RNF31: variants seen among roughly 807,000 people sequenced by gnomAD.
The protein encoded by RNF31 is E3 ubiquitin-protein ligase RNF31.
Under a neutral mutation model 133.6 loss-of-function variants are expected in RNF31, and 38 were observed. The ratio of observed to expected loss-of-function variants is 0.28; its 90% confidence interval spans 0.22 to 0.37. The LOEUF (loss-of-function observed/expected upper bound fraction) is 0.37. RNF31 is among the 10% of genes least tolerant of loss of function. The probability of loss-of-function intolerance (pLI) is 1.00; values close to 1 mark genes in which losing one functional copy is unlikely to be tolerated. For missense variants in RNF31, 1,118 were observed against 1,394.1 expected, an observed-to-expected ratio of 0.80 and a Z score of 3.15; for synonymous variants, 582 against 552.3, an observed-to-expected ratio of 1.05 and a Z score of -0.75.
chr14:24,156,165 A>G (rs1393473576), intron 14 of RNF31, among the ~76,000 whole-genome samples: 1 of 152,196 alleles, frequency 6.6e-6, no homozygotes, highest in South Asian at 2.1e-4. Context: ...GAGCCTGGAA[A>G]GCAAGGCGGG....
chr14:24,154,028 C>T (rs1390882642), intron 11 of RNF31, among the ~76,000 whole-genome samples: 3 of 152,228 alleles, frequency 2.0e-5, no homozygotes, highest in Non-Finnish European at 4.4e-5. Flanking sequence ...CGGAGTCTCG[C>T]TCTGTCGCCC....
At chr14:24,150,515 C>T (rs2038247226) in intron 7 of RNF31, 67 bp downstream of exon 7, 3 of 1,574,392 alleles carry the variant, frequency 1.9e-6, no homozygotes, top group Admixed American at 1.7e-5. Context: ...CCCATGTTTT[C>T]CTTCAGTTCC....
intron 5 of RNF31, 90 bp downstream of exon 5, chr14:24,148,966 G>GTGTT: frequency 8.5e-7 from 1 of 1,174,932 alleles, no homozygotes. Context: ...ATCTTCCTTT[G>GTGTT]TGTTTGTTTG....
chr14:24,154,947 C>A, intron 11 of RNF31: 1 of 579,920 alleles, frequency 1.7e-6, no homozygotes, highest in Non-Finnish European at 3.1e-6. Context: ...TTTGCCTTTA[C>A]CTTAGGTGTC....
chr14:24,151,680 G>A lies in RNF31; in HGVS notation c.1923+10G>A, dbSNP rs1332610909. ...TGGGCCAGACAAGCAGGTGCTGGGA[G>A]GAGGCAAGAAGCCCAAGGGTCCACC... On this transcript the variant is annotated intron_variant, in intron 10 of 20. Transcript: ENST00000324103. This position sits in a 1 kb window ranked among gnomAD's most constrained non-coding sequence, Gnocchi z 5.3. 6.2e-7 allele frequency: 1 copy of A among 1,609,584 alleles called. No individual in the cohort carries two copies. The highest frequency in any genetic ancestry group is 8.5e-7 in the Non-Finnish European group (1 of 1,179,764).
rs1348129398 is a variant in RNF31, at chr14:24,147,705, G to C, written c.7G>C (p.Gly3Arg). Residue 3 changes from glycine to arginine, a missense_variant, in exon 1 of 21, where the codon GGG becomes CGG. Physicochemically the swap from Gly to Arg is moderately radical, Grantham distance 125. This residue lies in a region of RNF31 where 747 missense variants were observed against 827.9 expected (regional missense o/e 0.90). Coordinates refer to ENST00000324103, the MANE Select transcript of RNF31 (RefSeq NM_017999.5). ...GGCTGACTCCTGCCTCAGGATGCCG[G>C]GGGAGGAAGAGGAGCGGGCCTTCCT... MPGEEEERAFLVA... is the reference protein window; with the variant it reads MPREEEERAFLVA... 24 of 1,517,420 alleles carry C rather than the reference G, an allele frequency of 1.6e-5. 1 individual carries two copies. The South Asian group carries it at 2.6e-4, about 16-fold the overall frequency. The allele number at this position is 1,517,420 out of a possible 1,614,324, so 94.0% of individuals were successfully genotyped here.
Position 24,160,231 on chromosome 14 carries a change from C to T in RNF31, c.2997-8C>T, listed in dbSNP as rs368892965. 1.2e-6 allele frequency: 2 copies of T among 1,606,090 alleles called. No individual in the cohort carries two copies. The highest frequency in any genetic ancestry group is 2.7e-5 in the African/African-American group (2 of 74,780). ...CACAACAAATATTCTGCTCCCTTTT[C>T]TCCCCAGGGCACACTACAAAGAGTA... On this transcript the variant is annotated splice_region_variant and splice_polypyrimidine_tract_variant and intron_variant, in intron 19 of 20. Coordinates refer to ENST00000324103, the MANE Select transcript of RNF31 (RefSeq NM_017999.5). The surrounding 1 kb of genome is among the most constrained non-coding windows in gnomAD (Gnocchi z 4.0).
rs2038192025 is a variant in RNF31 at position 24,147,774 on chromosome 14, G to A, written c.76G>A (p.Gly26Arg). 1.9e-6 allele frequency: 3 copies of A among 1,580,038 alleles called. No homozygotes were observed. Among genetic ancestry groups the A allele is most frequent in the East Asian group, 2.3e-5 (1 of 43,344 alleles). Residue 26 changes from glycine (G) to arginine (R), a missense_variant, in exon 1 of 21, where the codon GGG (glycine) becomes AGG (arginine). Gly to Arg is a moderately radical substitution (Grantham distance 125, BLOSUM62 -2). This residue lies in a region of RNF31 where 747 missense variants were observed against 827.9 expected (regional missense o/e 0.90). Transcript: ENST00000324103. ...ELASALRRDS[G>R]QAFSLEQLRP... ...GGCGAGCGCCCTGAGGAGGGATTCC[G>A]GGCAGGCGTTTTCCCTGGAGCAGCT... is the stretch of plus-strand genomic sequence containing the variant.
chr14:24,149,668 T>C (rs2038233178), intron 6 of RNF31, 85 bp downstream of exon 6: 1 of 1,368,798 alleles, frequency 7.3e-7, no homozygotes, highest in Non-Finnish European at 1.0e-6. Context: ...GTTTCTGTGC[T>C]AAAGACTGTT....
At position 24,149,444 on chromosome 14, in the gene RNF31, C is replaced by G. The variant is rs765711403; in HGVS notation, c.670C>G (p.Pro224Ala). Residue 224 changes from proline (P) to alanine (A), a missense_variant, in exon 6 of 21, where the codon CCA becomes GCA. Around this residue, in one of 3 missense-constraint regions of RNF31, gnomAD observed 747 missense variants for 827.9 expected, o/e 0.90. Transcript: ENST00000324103. ...PGPCFLCGSA[P>A]GTLHCPSCKQ... ...TCCCTGCTTCCTCTGTGGTTCTGCC[C>G]CAGGCACACTGCACTGCCCATCCTG... 2 of 1,614,044 alleles carry G rather than the reference C, an allele frequency of 1.2e-6. No individual in the cohort carries two copies. Among genetic ancestry groups the G allele is most frequent in the African/African-American group, 2.7e-5 (2 of 74,916 alleles).
chr14:24,150,668 C>T lies in RNF31; in HGVS notation c.1268C>T (p.Ser423Leu), dbSNP rs375081171. ...TGTATTCACTGTACCTTCTGCAACT[C>T]GAGCCCTGGCTGGGTGTGTGTTATG... is the stretch of plus-strand genomic sequence containing the variant. ...WYCIHCTFCN[S>L]SPGWVCVMCN... is the part of the protein sequence containing the mutation. The change falls in exon 8 of 21, where the codon TCG (serine) becomes TTG (leucine). Residue 423 changes from serine (S) to leucine (L), a missense_variant. Ser to Leu is a moderately radical substitution (Grantham distance 145). Transcript: ENST00000324103. The T allele has an allele frequency of 1.2e-5, 20 of 1,614,096 alleles. No individual in the cohort carries two copies. Among genetic ancestry groups the T allele is most frequent in the Non-Finnish European group, 1.5e-5 (18 of 1,180,032 alleles).
intron 14 of RNF31, among the ~76,000 whole-genome samples, chr14:24,156,416 G>T (rs1393293059): frequency 1.3e-5 from 2 of 152,110 alleles, no homozygotes; most frequent in Admixed American, 6.6e-5. Context: ...GTGATCCCTC[G>T]CCTCAGCCTT....
chr14:24,158,662 G>T (rs1267457194), intron 18 of RNF31: 1 of 158,020 alleles, frequency 6.3e-6, no homozygotes, highest in Non-Finnish European at 1.4e-5. Context: ...AGGCTAAGCA[G>T]GTTCGGGCCT....
At chr14:24,147,934 G>T in intron 1 of RNF31, 42 bp from the exon 2 acceptor site, 1 of 1,613,622 alleles carries the variant, frequency 6.2e-7, no homozygotes, top group Non-Finnish European at 8.5e-7. Context: ...AGGGCCTGAG[G>T]CCCAGGCCAC....
upstream of RNF31, chr14:24,147,478 T>A: frequency 2.5e-6 from 1 of 397,420 alleles, no homozygotes; most frequent in Admixed American, 4.6e-5. Flanking sequence ...CGAAATTGGG[T>A]CGCAGTCCCA....
At position 24,148,070 on chromosome 14, in the gene RNF31, G is replaced by T. The variant is rs761559628; in HGVS notation, c.287G>T (p.Arg96Leu). Residue 96 changes from arginine to leucine, a missense_variant, in exon 2 of 21, where the codon CGT (arginine) becomes CTT (leucine). Arg to Leu is a moderately radical substitution (Grantham distance 102, BLOSUM62 -2). Transcript: ENST00000324103. ...LLSPQRPRYWRGVKFNNPVFR... is the reference protein window; with the variant it reads ...LLSPQRPRYWLGVKFNNPVFR... The stretch of plus-strand genomic sequence containing the variant: ...AGCCCTCAGCGGCCTCGGTACTGGC[G>T]TGGTGTCAAGTTTAATAACCCTGTC... 1 of 1,614,236 alleles carries T rather than the reference G, an allele frequency of 6.2e-7. No individual in the cohort carries two copies. The highest frequency in any genetic ancestry group is 8.5e-7 in the Non-Finnish European group (1 of 1,180,052).
chr14:24,158,604 T>C (rs1366334710), intron 18 of RNF31: 1 of 206,126 alleles, frequency 4.9e-6, no homozygotes, highest in East Asian at 1.3e-4. Context: ...CAGAGGTAAG[T>C]CTACAGTCCA....
chr14:24,159,352 C>CAA (rs777764741), intron 18 of RNF31, among the ~76,000 whole-genome samples: 4,879 of 54,232 alleles, frequency 0.09, 645 homozygotes, highest in African/African-American at 0.29. Flanking sequence ...AACTCCATCT[C>CAA]AAAAAAAAAA....
In RNF31 at chr14:24,151,186, C is replaced by G; in HGVS notation, c.1544C>G (p.Ser515Trp). 6.2e-7 allele frequency: 1 copy of G among 1,614,138 alleles called. No homozygotes were observed. Among genetic ancestry groups the G allele is most frequent in the East Asian group, 2.2e-5 (1 of 44,872 alleles). The change falls in exon 9 of 21, where the codon TCG (serine) becomes TGG (tryptophan). Residue 515 changes from serine (S) to tryptophan (W), a missense_variant. Coordinates refer to ENST00000324103, the MANE Select transcript of RNF31 (RefSeq NM_017999.5). This position sits in a 1 kb window ranked among gnomAD's most constrained non-coding sequence, Gnocchi z 5.3. ...GAGATCTTCTCGGCTCTGCAGTACTCGGGCACTGAGGTGCCTCTGCAGTGG... is the reference window on the plus strand; with the variant it reads ...GAGATCTTCTCGGCTCTGCAGTACTGGGGCACTGAGGTGCCTCTGCAGTGG... ...PEEIFSALQY[S>W]GTEVPLQWLR...
Sources: allele counts gnomAD v4.1 joint callset (sites outside exome capture counted in the v4.1 genomes callset), GRCh38; gene constraint gnomAD v4.1.1; regional missense constraint gnomAD v4.1.1; non-coding constraint Gnocchi (gnomAD v3.1); transcripts MANE v1.5; gene names NCBI Gene and HGNC (gene_info 2026-07-23, HGNC 2026-07-21).